NKX6-3: variants seen among roughly 807,000 people sequenced by gnomAD.
The protein encoded by NKX6-3 is NK6 homeobox 3.
In NKX6-3, 17 loss-of-function variants were observed where a neutral mutation model predicts 22.0. That is an observed-to-expected ratio of 0.77 (90% CI 0.53 to 1.16). The LOEUF is 1.16. Ranked by LOEUF, NKX6-3 falls within the 50% of genes most tolerant of loss-of-function variation. The probability of loss-of-function intolerance (pLI) is 0.00; values close to 1 mark genes in which losing one functional copy is unlikely to be tolerated. For missense variants in NKX6-3, 363 were observed against 359.0 expected (o/e 1.01, Z -0.09); for synonymous variants, 177 against 167.2 (o/e 1.06, Z -0.45).
chr8:41,647,032 TGGAA>T (rs1382152037), intron 2 of NKX6-3, among the ~76,000 whole-genome samples: 1 of 142,964 alleles, frequency 7.0e-6, no homozygotes, highest in Admixed American at 7.1e-5. Context: ...AGTGCGCGGG[TGGAA>T]GGCTTAGCCC....
Position 41,646,280 on chromosome 8 carries a change from G to C in NKX6-3, c.*169C>G. On this transcript the variant is annotated 3_prime_UTR_variant, in exon 3 of 3. Transcript: ENST00000518699. ...TCCCTCCTTTTCCTCCTCCTCCCCC[G>C]CCTCCCCTCCTCCTCCCCTGCACCT... 3.4e-4 allele frequency: 252 copies of C among 750,726 alleles called. No homozygotes were observed. Among genetic ancestry groups the C allele is most frequent in the Admixed American group, 2.1e-3 (64 of 30,166 alleles). 46.5% of individuals were successfully genotyped at this position (750,726 alleles called of 1,614,324 possible).
rs1211390510 is a variant in NKX6-3 at position 41,646,347 on chromosome 8, A to G, written c.*102T>C. 7.0e-7 allele frequency: 1 copy of G among 1,422,152 alleles called. No individual in the cohort carries two copies. Among genetic ancestry groups the G allele is most frequent in the East Asian group, 2.5e-5 (1 of 39,352 alleles). The allele number at this position is 1,422,152 out of a possible 1,614,324, so 88.1% of individuals were successfully genotyped here. On this transcript the variant is annotated 3_prime_UTR_variant, in exon 3 of 3. Coordinates refer to ENST00000518699, the MANE Select transcript of NKX6-3 (RefSeq NM_001364841.2). ...GCGCCCCTCATCCAAAGAAAGACTC[A>G]GTCCCTGCGCCCCCAGGAGCGTGGG...
chr8:41,648,118 G>T lies in NKX6-3; in HGVS notation c.500C>A (p.Pro167His). The T allele has an allele frequency of 6.5e-7, 1 of 1,537,296 alleles. No homozygotes were observed. The highest frequency in any genetic ancestry group is 8.7e-7 in the Non-Finnish European group (1 of 1,146,846). The change falls in exon 2 of 3, where the codon CCC (proline) becomes CAC (histidine). Residue 167 changes from proline to histidine, a missense_variant. Physicochemically the swap from Pro to His is moderately conservative, Grantham distance 77. Around this residue, in one of 3 missense-constraint regions of NKX6-3, gnomAD observed 169 missense variants for 155.8 expected, o/e 1.08. Coordinates refer to ENST00000518699, the MANE Select transcript of NKX6-3 (RefSeq NM_001364841.2). The part of the protein sequence containing the change: ...TFEQTKYLAG[P>H]ERARLAYSLG... ...TGAGTATGCCAGCCGTGCCCTCTCG[G>T]GGCCAGCCAAGTACTTGGTCTGCTC...
At chr8:41,649,594 C>T (rs891498903) in intron 1 of NKX6-3, among the ~76,000 whole-genome samples, 5 of 152,282 alleles carry the variant, frequency 3.3e-5, no homozygotes, top group Middle Eastern at 3.4e-3. Flanking sequence ...TGCTAGAAAC[C>T]CGAGGATGTG....
Position 41,646,415 on chromosome 8 carries a change from C to A in NKX6-3, c.*34G>T, listed in dbSNP as rs894676537. 1 of 1,564,310 alleles carries A rather than the reference C, an allele frequency of 6.4e-7. No homozygotes were observed. Among genetic ancestry groups the A allele is most frequent in the South Asian group, 1.2e-5 (1 of 85,890 alleles). ...AGGCTCCTCGGCGTCCCCCCGCAGG[C>A]TGCAGCCAGGATCCCGGGCCTGGAC... On this transcript the variant is annotated 3_prime_UTR_variant, in exon 3 of 3. Coordinates refer to ENST00000518699, the MANE Select transcript of NKX6-3 (RefSeq NM_001364841.2).
chr8:41,649,556 G>C (rs1044535551), intron 1 of NKX6-3, among the ~76,000 whole-genome samples: 1 of 152,204 alleles, frequency 6.6e-6, no homozygotes, highest in African/African-American at 2.4e-5. Context: ...GCAACTCCCC[G>C]AGACAGGCTA....
At chr8:41,648,418 C>T (rs576571057) in intron 1 of NKX6-3, among the ~76,000 whole-genome samples, 183 bp from the exon 2 acceptor site, 6 of 152,306 alleles carry the variant, frequency 3.9e-5, no homozygotes, top group Admixed American at 6.5e-5. Context: ...ACCTCTGCCC[C>T]GCCTGGATGG....
chr8:41,649,176 G>T (rs1804266046), intron 1 of NKX6-3, among the ~76,000 whole-genome samples: 1 of 152,196 alleles, frequency 6.6e-6, no homozygotes, highest in Non-Finnish European at 1.5e-5. Context: ...ACAGCGATGG[G>T]TGGCAGCCCA....
At chr8:41,649,323 G>A (rs1804269171) in intron 1 of NKX6-3, among the ~76,000 whole-genome samples, 1 of 152,150 alleles carries the variant, frequency 6.6e-6, no homozygotes, top group Non-Finnish European at 1.5e-5. Context: ...CAGAAATGGA[G>A]GCCCCTGCCT....
intron 2 of NKX6-3, chr8:41,647,372 G>A (rs2150519506): frequency 6.5e-7 from 1 of 1,540,390 alleles, no homozygotes; most frequent in Non-Finnish European, 8.7e-7. Flanking sequence ...GCCCGTCGCC[G>A]AGTCACTGAG....
Position 41,646,592 on chromosome 8 carries a change from C to T in NKX6-3, c.655G>A (p.Gly219Arg). The change falls in exon 3 of 3, where the codon GGG (glycine) becomes AGG (arginine). Residue 219 changes from glycine (G) to arginine (R), a missense_variant. Around this residue, in one of 3 missense-constraint regions of NKX6-3, gnomAD observed 169 missense variants for 155.8 expected, o/e 1.08. Coordinates refer to ENST00000518699, the MANE Select transcript of NKX6-3 (RefSeq NM_001364841.2). The stretch of plus-strand genomic sequence containing the variant: ...TCGTTCTCCGAGGGTGCGCGGTCCC[C>T]GCCTGCGCCTGCACCCGCGCCGCCC... The part of the protein sequence containing the change: ...APGGAGAGAG[G>R]DRAPSENEDD... 3 of 1,576,156 alleles carry T rather than the reference C, an allele frequency of 1.9e-6. No homozygotes were observed. The highest frequency in any genetic ancestry group is 2.6e-6 in the Non-Finnish European group (3 of 1,161,876).
In NKX6-3 at chr8:41,648,116, C is replaced by T. The variant is rs760132040; in HGVS notation, c.502G>A (p.Glu168Lys). The T allele has an allele frequency of 2.6e-5, 40 of 1,537,034 alleles. No homozygotes were observed. The highest frequency in any genetic ancestry group is 4.8e-5 in the South Asian group (4 of 84,058). Residue 168 changes from glutamate to lysine, a missense_variant, in exon 2 of 3, where the codon GAG becomes AAG. This residue lies in a region of NKX6-3 where 169 missense variants were observed against 155.8 expected (regional missense o/e 1.08). Coordinates refer to ENST00000518699, the MANE Select transcript of NKX6-3 (RefSeq NM_001364841.2). ...AGTGAGTATGCCAGCCGTGCCCTCTCGGGGCCAGCCAAGTACTTGGTCTGC... is the reference window on the plus strand; with the variant it reads ...AGTGAGTATGCCAGCCGTGCCCTCTTGGGGCCAGCCAAGTACTTGGTCTGC... ...FEQTKYLAGP[E>K]RARLAYSLGM...
At position 41,650,693 on chromosome 8, in the gene NKX6-3, G is replaced by A; in HGVS notation, c.-201C>T. The stretch of plus-strand genomic sequence containing the variant: ...GCTCGGAAGTCAGGTGCTCGGGGCA[G>A]GTGGGAGGCCTCCCCAGGGCTCCTG... On this transcript the variant is annotated 5_prime_UTR_variant, in exon 1 of 3. Transcript: ENST00000518699. 2 of 579,030 alleles carry A rather than the reference G, an allele frequency of 3.5e-6. No individual in the cohort carries two copies. The highest frequency in any genetic ancestry group is 6.1e-6 in the Non-Finnish European group (2 of 330,480). The allele number at this position is 579,030 out of a possible 1,614,324, so 35.9% of individuals were successfully genotyped here. A position where few individuals can be genotyped will look rare whatever the true frequency, so the allele number is the denominator to read the frequency against.
chr8:41,650,531 CT>C lies in NKX6-3; in HGVS notation c.-40del, dbSNP rs1804298376. The C allele has an allele frequency of 6.5e-7, 1 of 1,527,914 alleles. No individual in the cohort carries two copies. The highest frequency in any genetic ancestry group is 8.7e-7 in the Non-Finnish European group (1 of 1,143,906). 94.6% of individuals were successfully genotyped at this position (1,527,914 alleles called of 1,614,324 possible). A position where few individuals can be genotyped will look rare whatever the true frequency, so the allele number is the denominator to read the frequency against. Reference sequence around the variant, plus strand: ...GGACAGGGAAGGCTTCTCCAGGCCCCTAAAACCCAAGAGCCCACTCTCTAGC... The same window carrying C: ...GGACAGGGAAGGCTTCTCCAGGCCCCAAAACCCAAGAGCCCACTCTCTAGC... On this transcript the variant is annotated 5_prime_UTR_variant, in exon 1 of 3. The change abolishes the stop of an existing upstream ORF in the 5' untranslated region. Coordinates refer to ENST00000518699, the MANE Select transcript of NKX6-3 (RefSeq NM_001364841.2).
intron 1 of NKX6-3, among the ~76,000 whole-genome samples, chr8:41,649,657 G>A (rs760692084): frequency 5.3e-5 from 8 of 152,346 alleles, no homozygotes; most frequent in African/African-American, 7.2e-5. Flanking sequence ...GTCAGGGTGC[G>A]TTCTGCACCC....
Position 41,646,540 on chromosome 8 carries a change from T to C in NKX6-3, c.707A>G (p.Asp236Gly). 2 of 1,611,518 alleles carry C rather than the reference T, an allele frequency of 1.2e-6. No individual in the cohort carries two copies. The highest frequency in any genetic ancestry group is 1.7e-6 in the Non-Finnish European group (2 of 1,179,136). The change falls in exon 3 of 3, where the codon GAC (aspartate) becomes GGC (glycine). Residue 236 changes from aspartate (D) to glycine (G), a missense_variant. Physicochemically the swap from Asp to Gly is moderately conservative, Grantham distance 94. Coordinates refer to ENST00000518699, the MANE Select transcript of NKX6-3 (RefSeq NM_001364841.2). ...NEDDEYNKPL[D>G]PDSDDEKIRL... ...GATCTTCTCGTCGTCCGAGTCGGGG[T>C]CCAGCGGCTTGTTGTACTCGTCGTC...
chr8:41,647,362 G>T, intron 2 of NKX6-3: 1 of 1,550,950 alleles, frequency 6.4e-7, no homozygotes. Context: ...GCATCCTTAG[G>T]CCCGTCGCCG....
rs1804302882 is a variant in NKX6-3 at position 41,650,747 on chromosome 8, G to A, written c.-255C>T. On this transcript the variant is annotated 5_prime_UTR_variant, in exon 1 of 3. Coordinates refer to ENST00000518699, the MANE Select transcript of NKX6-3 (RefSeq NM_001364841.2). ...TCTCTCCTTGCCCTGGCCGGACAGG[G>A]TGGCCCCCTAAGCCTCAGCTCAGAC... is the stretch of plus-strand genomic sequence containing the variant. 1 of 483,198 alleles carries A rather than the reference G, an allele frequency of 2.1e-6. No homozygotes were observed. The highest frequency in any genetic ancestry group is 2.0e-5 in the African/African-American group (1 of 50,256). The allele number at this position is 483,198 out of a possible 1,614,324, so 29.9% of individuals were successfully genotyped here.
intron 2 of NKX6-3, chr8:41,647,221 G>A: frequency 6.2e-7 from 1 of 1,612,820 alleles, no homozygotes; most frequent in Non-Finnish European, 8.5e-7. Flanking sequence ...ATGCAGGAGT[G>A]TCTGCTTCTT....
Sources: allele counts gnomAD v4.1 joint callset (sites outside exome capture counted in the v4.1 genomes callset), GRCh38; gene constraint gnomAD v4.1.1; regional missense constraint gnomAD v4.1.1; transcripts MANE v1.5; gene names NCBI Gene and HGNC (gene_info 2026-07-23, HGNC 2026-07-21).